FMN2: variants seen among roughly 807,000 people sequenced by gnomAD.
FMN2 encodes the protein formin-2.
Under a neutral mutation model 142.3 loss-of-function variants are expected in FMN2, and 51 were observed. The ratio of observed to expected loss-of-function variants is 0.36; its 90% CI spans 0.29 to 0.45. The LOEUF (loss-of-function observed/expected upper bound fraction) is 0.45. Among genes scored for constraint, FMN2 ranks in the 20% least tolerant of loss-of-function variants. The probability of loss-of-function intolerance (pLI) is 1.00; values close to 1 mark genes in which losing one functional copy is unlikely to be tolerated. For missense variants in FMN2, 1,936 were observed against 2,122.8 expected (o/e 0.91, Z 1.73); for synonymous variants, 882 against 869.8 (o/e 1.01, Z -0.25).
At chr1:240,409,448 C>T (rs114149811) in intron 15 of FMN2, among the ~76,000 whole-genome samples, 31 of 152,194 alleles carry the variant, frequency 2.0e-4, no homozygotes, top group African/African-American at 7.0e-4. Flanking sequence ...CTGGTATCAA[C>T]TTCATTTTAA....
intron 6 of FMN2, among the ~76,000 whole-genome samples, chr1:240,233,490 G>T (rs9651082): frequency 0.34 from 50,955 of 152,012 alleles, 10,096 homozygotes; most frequent in African/African-American, 0.56. Flanking sequence ...ATTCTACTGA[G>T]TTTTAAATTT....
At chr1:240,283,720 A>C (rs981035496) in intron 7 of FMN2, among the ~76,000 whole-genome samples, 3 of 152,126 alleles carry the variant, frequency 2.0e-5, no homozygotes, top group African/African-American at 7.2e-5. Flanking sequence ...GGCTTTTATT[A>C]ATGTTAAAGG....
chr1:240,144,086 C>A, intron 2 of FMN2: 1 of 1,097,746 alleles, frequency 9.1e-7, no homozygotes, highest in Non-Finnish European at 1.4e-6. Context: ...GTACAGGTTA[C>A]TTCTCAATCT....
rs77168721 is a variant in FMN2 at position 240,415,047 on chromosome 1, G to A, written c.4910+22485G>A. On this transcript the variant is annotated intron_variant, in intron 15 of 17. Coordinates refer to ENST00000319653, the MANE Select transcript of FMN2 (RefSeq NM_020066.5). ...GATGCAGCTTAGCAGAACTTACATA[G>A]CATTGACCACAAAGCATCCTATTCT... Among the ~76,000 whole-genome samples the A allele has an allele frequency of 3.6e-3, 550 of 152,206 alleles. 2 individuals are homozygous for A. The highest frequency in any genetic ancestry group is 0.012 in the African/African-American group (517 of 41,530).
intron 2 of FMN2, among the ~76,000 whole-genome samples, chr1:240,150,938 G>T (rs545854049): frequency 6.6e-6 from 1 of 152,262 alleles, no homozygotes; most frequent in African/African-American, 2.4e-5. Context: ...ATGTTCAAAG[G>T]CAAAGAGATG....
chr1:240,374,503 T>G (rs1186067394), intron 14 of FMN2, among the ~76,000 whole-genome samples: 2 of 152,212 alleles, frequency 1.3e-5, no homozygotes, highest in Non-Finnish European at 2.9e-5. Context: ...CCATCAGCAC[T>G]TGGTACTTCA....
intron 2 of FMN2, chr1:240,170,909 G>C (rs1382034963): frequency 1.3e-6 from 1 of 795,968 alleles, no homozygotes; most frequent in Non-Finnish European, 2.3e-6. Context: ...CAGGATTTTA[G>C]TCAACCCATC....
intron 7 of FMN2, among the ~76,000 whole-genome samples, chr1:240,274,559 G>A (rs1028049767): frequency 6.6e-6 from 1 of 152,090 alleles, no homozygotes; most frequent in Non-Finnish European, 1.5e-5. Context: ...CTAAGAAAGA[G>A]GAAATACTAA....
intron 2 of FMN2, among the ~76,000 whole-genome samples, chr1:240,147,346 C>T (rs778984739): frequency 2.6e-5 from 4 of 152,132 alleles, no homozygotes; most frequent in South Asian, 2.1e-4. Context: ...CCCTCCATAG[C>T]CAATCTGTTG....
At chr1:240,169,255 C>T (rs1002628206) in intron 2 of FMN2, among the ~76,000 whole-genome samples, 6 of 152,062 alleles carry the variant, frequency 3.9e-5, no homozygotes, top group African/African-American at 1.4e-4. Context: ...GTCTTCAGAG[C>T]CCTCCTACAC....
chr1:240,440,898 C>G (rs908977893), intron 16 of FMN2, among the ~76,000 whole-genome samples: 1 of 147,506 alleles, frequency 6.8e-6, no homozygotes, highest in East Asian at 1.9e-4. Flanking sequence ...TTCAAGACAG[C>G]AAAGCATTAA....
At chr1:240,424,805 A>C (rs941265162) in intron 15 of FMN2, among the ~76,000 whole-genome samples, 3 of 152,226 alleles carry the variant, frequency 2.0e-5, no homozygotes, top group Non-Finnish European at 4.4e-5. Context: ...AGTTATCCAT[A>C]TTCAAAGTCC....
chr1:240,368,976 CACAG>C (rs1672773775), intron 14 of FMN2, among the ~76,000 whole-genome samples: 1 of 127,060 alleles, frequency 7.9e-6, no homozygotes, highest in Non-Finnish European at 1.6e-5. Flanking sequence ...TATATATAAA[CACAG>C]AGTAAAATTA....
chr1:240,330,500 C>A, intron 10 of FMN2, 103 bp from the exon 11 acceptor site: 1 of 1,242,634 alleles, frequency 8.0e-7, no homozygotes, highest in Non-Finnish European at 1.1e-6. Flanking sequence ...CGGTTGTGAC[C>A]CAAAACTCCT....
At chr1:240,395,042 A>G (rs538244683) in intron 15 of FMN2, among the ~76,000 whole-genome samples, 2 of 152,296 alleles carry the variant, frequency 1.3e-5, no homozygotes, top group Admixed American at 1.3e-4. Flanking sequence ...TTAGGGGATA[A>G]TGCAGCTGGT....
intron 6 of FMN2, among the ~76,000 whole-genome samples, chr1:240,222,956 C>T (rs1428907457): frequency 6.6e-6 from 1 of 152,110 alleles, no homozygotes; most frequent in Non-Finnish European, 1.5e-5. Flanking sequence ...AATTTGACTT[C>T]CTATTTGAAT....
chr1:240,206,363 T>C (rs1334001979), intron 4 of FMN2, among the ~76,000 whole-genome samples: 1 of 151,444 alleles, frequency 6.6e-6, no homozygotes, highest in African/African-American at 2.5e-5. Context: ...TTTTATATAT[T>C]ATTATTGAAC....
At chr1:240,209,486 C>T (rs894707942) in intron 5 of FMN2, among the ~76,000 whole-genome samples, 2 of 150,624 alleles carry the variant, frequency 1.3e-5, no homozygotes, top group East Asian at 4.1e-4. Context: ...CATCTCCTGA[C>T]CTCGTGATCC....
At chr1:240,113,798 G>A (rs1179431083) in intron 1 of FMN2, among the ~76,000 whole-genome samples, 1 of 152,154 alleles carries the variant, frequency 6.6e-6, no homozygotes, top group African/African-American at 2.4e-5. Flanking sequence ...CAGCTGGAGT[G>A]TGTGTCCTGG....
Sources: gnomAD v4.1 joint callset for allele counts (sites outside exome capture counted in the v4.1 genomes callset) on GRCh38, gnomAD v4.1.1 for gene constraint, MANE v1.5 for transcripts, NCBI Gene and HGNC (gene_info 2026-07-23, HGNC 2026-07-21) for gene names.